The following WDR62 variants were observed in gnomAD, a reference collection of about 807,000 sequenced individuals.
WDR62 encodes the protein WD repeat-containing protein 62.
Under a neutral mutation model 160.6 loss-of-function variants are expected in WDR62, and 112 were observed. That is an observed-to-expected ratio of 0.70 (90% CI 0.60 to 0.82). WDR62 has a LOEUF of 0.82. Among genes scored for constraint, WDR62 ranks in the 40% least tolerant of loss-of-function variants. The pLI, the probability that WDR62 is intolerant of heterozygous loss-of-function variation, is 0.00. For synonymous variants in WDR62, 792 were observed against 815.1 expected (o/e 0.97, Z 0.48); for missense variants, 1,819 against 1,983.8 (o/e 0.92, Z 1.58).
At chr19:36,081,873 A>T (rs751188026) in intron 10 of WDR62, 3 of 530,410 alleles carry the variant, frequency 5.7e-6, no homozygotes. Flanking sequence ...ATTGCTTCCT[A>T]AGTCTTGAGA....
At chr19:36,072,923 T>C (rs1047653619) in intron 8 of WDR62, among the ~76,000 whole-genome samples, 3 of 152,174 alleles carry the variant, frequency 2.0e-5, no homozygotes, top group African/African-American at 7.2e-5. Flanking sequence ...GTAGCCTTCA[T>C]AGGGAGACCC....
At chr19:36,063,199 T>C in intron 3 of WDR62, among the ~76,000 whole-genome samples, 1 of 152,216 alleles carries the variant, frequency 6.6e-6, no homozygotes, top group East Asian at 1.9e-4. Context: ...CGCCTTGGCC[T>C]CCCAAAGTGC....
intron 1 of WDR62, among the ~76,000 whole-genome samples, chr19:36,056,087 A>C (rs957936979): frequency 6.6e-6 from 1 of 152,108 alleles, no homozygotes; most frequent in African/African-American, 2.4e-5. Context: ...AATCGCTTGA[A>C]CCTGGGAGGC....
chr19:36,099,755 G>C (rs1973215431), intron 22 of WDR62, 138 bp downstream of exon 22: 1 of 878,680 alleles, frequency 1.1e-6, no homozygotes, highest in East Asian at 2.6e-5. Flanking sequence ...GTGAGCCCCA[G>C]GTCTGTTGCA....
chr19:36,081,284 C>CTT, intron 9 of WDR62, 149 bp from the exon 10 acceptor site: 2 of 956,556 alleles, frequency 2.1e-6, no homozygotes, highest in Non-Finnish European at 1.6e-6. Flanking sequence ...ATTTTGTGTC[C>CTT]TTTTTTTTTC....
At chr19:36,101,057 C>G (rs1973298529) in intron 23 of WDR62, among the ~76,000 whole-genome samples, 157 bp from the exon 24 acceptor site, 1 of 152,124 alleles carries the variant, frequency 6.6e-6, no homozygotes, top group Non-Finnish European at 1.5e-5. Flanking sequence ...GAGGGCCTGA[C>G]CTGGGGGAAG....
intron 1 of WDR62, among the ~76,000 whole-genome samples, chr19:36,058,460 C>G (rs1970476807): frequency 6.6e-6 from 1 of 152,260 alleles, no homozygotes; most frequent in South Asian, 2.1e-4. Flanking sequence ...TTTCTTCTCT[C>G]TTGCACCCAT....
At chr19:36,070,817 G>C (rs1334127396) in intron 7 of WDR62, 2 of 152,326 alleles carry the variant, frequency 1.3e-5, no homozygotes, top group African/African-American at 4.8e-5. Flanking sequence ...GCACTTCCTA[G>C]TAGGATAGAC....
At chr19:36,073,177 A>G (rs1055575503) in intron 8 of WDR62, among the ~76,000 whole-genome samples, 165 bp from the exon 9 acceptor site, 1 of 152,256 alleles carries the variant, frequency 6.6e-6, no homozygotes, top group Non-Finnish European at 1.5e-5. Context: ...AAAGCAAAGC[A>G]GAGGAAGAGG....
rs369308800 is a variant in WDR62 at position 36,090,531 on chromosome 19, G to A, written c.2034+11G>A. 1 of 1,613,716 alleles carries A rather than the reference G, an allele frequency of 6.2e-7. No individual in the cohort carries two copies. The highest frequency in any genetic ancestry group is 1.1e-5 in the South Asian group (1 of 91,074). ...GGGTCCTTGCTGAAGGTGAGGAGTT[G>A]GAGACCCCTGTCTGTCTGCTGCCCT... On this transcript the variant is annotated intron_variant, in intron 16 of 31. Coordinates refer to ENST00000401500, the MANE Select transcript of WDR62 (RefSeq NM_001083961.2).
intron 3 of WDR62, among the ~76,000 whole-genome samples, chr19:36,063,397 C>A (rs756824571): frequency 6.6e-6 from 1 of 151,816 alleles, no homozygotes; most frequent in Non-Finnish European, 1.5e-5. Context: ...TACAGGCATG[C>A]GCCACCGTGC....
In WDR62 at chr19:36,091,211, C is replaced by T. The variant is rs1182983888; in HGVS notation, c.2046C>T (p.Asp682=). Residue 682 remains aspartate (D), a synonymous_variant, in exon 17 of 32, where the codon GAC becomes GAT. Transcript: ENST00000401500. ...DEGSLLKVHV[D]PSGTFLATSC... Reference sequence around the variant, plus strand: ...CCCTTTCCTGGCAGGTCCATGTGGACCCCTCAGGCACCTTCCTGGCCACCA... The same window carrying T: ...CCCTTTCCTGGCAGGTCCATGTGGATCCCTCAGGCACCTTCCTGGCCACCA... 1 of 1,612,572 alleles carries T rather than the reference C, an allele frequency of 6.2e-7. No individual in the cohort carries two copies.
intron 3 of WDR62, among the ~76,000 whole-genome samples, chr19:36,063,795 C>T (rs560041649): frequency 1.5e-3 from 236 of 152,346 alleles, no homozygotes; most frequent in African/African-American, 5.6e-3. Flanking sequence ...CTCTTTTCAC[C>T]TTTGTGATTA....
intron 19 of WDR62, among the ~76,000 whole-genome samples, 182 bp from the exon 20 acceptor site, chr19:36,093,849 A>T (rs538380593): frequency 6.6e-6 from 1 of 152,154 alleles, no homozygotes; most frequent in African/African-American, 2.4e-5. Context: ...AATCTCATCT[A>T]TTGTGGTGAT....
At chr19:36,106,773 T>G (rs1213488961), downstream of WDR62, among the ~76,000 whole-genome samples, 5 of 152,208 alleles carry the variant, frequency 3.3e-5, no homozygotes, top group Non-Finnish European at 7.4e-5. Context: ...AACATTTAAG[T>G]CCAAGGAATA....
chr19:36,065,950 A>T lies in WDR62; in HGVS notation c.333-8A>T. The T allele has an allele frequency of 6.2e-7, 1 of 1,614,080 alleles. No homozygotes were observed. The highest frequency in any genetic ancestry group is 1.3e-5 in the African/African-American group (1 of 75,020). ...GAACCAGTGATCAGCTCTTTTCTTT[A>T]TCCCCAGGAAGTCTCTCAGTGCTCT... On this transcript the variant is annotated splice_region_variant and splice_polypyrimidine_tract_variant and intron_variant, in intron 3 of 31. Transcript: ENST00000401500.
intron 21 of WDR62, among the ~76,000 whole-genome samples, chr19:36,098,289 G>A (rs566924842): frequency 6.6e-5 from 10 of 151,914 alleles, no homozygotes; most frequent in South Asian, 6.2e-4. Flanking sequence ...AAAAGAGACC[G>A]GGTGCGGTGG....
At chr19:36,102,230 C>T in intron 26 of WDR62, 79 bp downstream of exon 26, 12 of 1,602,026 alleles carry the variant, frequency 7.5e-6, no homozygotes, top group Middle Eastern at 1.7e-4. Context: ...GGAGTTGGCT[C>T]CCCAGCAGGG....
At chr19:36,063,547 G>A (rs1029148070) in intron 3 of WDR62, among the ~76,000 whole-genome samples, 6 of 152,292 alleles carry the variant, frequency 3.9e-5, no homozygotes, top group African/African-American at 9.6e-5. Context: ...CACTGCACCC[G>A]GCCAATCTTG....
Sources: gnomAD v4.1 joint callset for allele counts (sites outside exome capture counted in the v4.1 genomes callset) on GRCh38, gnomAD v4.1.1 for gene constraint, MANE v1.5 for transcripts, NCBI Gene and HGNC (gene_info 2026-07-23, HGNC 2026-07-21) for gene names.